The following COG7 variants were observed in gnomAD, a reference collection of about 807,000 sequenced individuals.
The protein encoded by COG7 is component of oligomeric golgi complex 7, also known as conserved oligomeric Golgi complex subunit 7.
COG7 carries 49 observed loss-of-function variants against 91.5 expected under a neutral mutation model. That is an observed-to-expected ratio of 0.54 (90% CI 0.43 to 0.68). The LOEUF (loss-of-function observed/expected upper bound fraction) is 0.68, where lower values mean the gene tolerates loss of function less well. Ranked by LOEUF, COG7 falls within the 30% of genes least tolerant of loss-of-function variation. The pLI is 0.00. For synonymous variants in COG7, 365 were observed against 388.7 expected (o/e 0.94, Z 0.72); for missense variants, 895 against 961.3 (o/e 0.93, Z 0.91).
In COG7 at chr16:23,388,927, T is replaced by C. The variant is rs373700348; in HGVS notation, c.2306A>G (p.Asn769Ser). 7 of 1,613,928 alleles carry C rather than the reference T, an allele frequency of 4.3e-6. No homozygotes were observed. The highest frequency in any genetic ancestry group is 4.5e-5 in the East Asian group (2 of 44,856). ...GTCCGGTGTGTGGTGGGGTCAGTAA[T>C]TCACACTCCGCATGGTGGCCACGGT... ...ATTVATMRSV[N>S]Y is the part of the protein sequence containing the mutation. The change falls in exon 17 of 17, where the codon AAT becomes AGT. Residue 769 changes from asparagine to serine, a missense_variant. Transcript: ENST00000307149.
intron 10 of COG7, among the ~76,000 whole-genome samples, chr16:23,412,084 T>C (rs991458306): frequency 6.6e-6 from 1 of 152,298 alleles, no homozygotes; most frequent in African/African-American, 2.4e-5. Flanking sequence ...TTTCACCATG[T>C]TGGCCAGGCT....
intron 7 of COG7, among the ~76,000 whole-genome samples, chr16:23,419,269 G>C (rs1193705108): frequency 6.6e-6 from 1 of 152,038 alleles, no homozygotes; most frequent in Non-Finnish European, 1.5e-5. Flanking sequence ...AAATTAGCTG[G>C]GCATGGTGGC....
Position 23,403,815 on chromosome 16 carries a change from T to G in COG7, c.1682A>C (p.His561Pro). The part of the protein sequence containing the change: ...YTLKEKGSSN[H>P]NLLAAPRAAL... Reference sequence around the variant, plus strand: ...TGCTCGAGGTGCAGCCAGCAGGTTGTGGTTGCTTGACCCTTTTTCCTAAGA... The same window carrying G: ...TGCTCGAGGTGCAGCCAGCAGGTTGGGGTTGCTTGACCCTTTTTCCTAAGA... Residue 561 changes from histidine (H) to proline (P), a missense_variant, in exon 13 of 17, where the codon CAC becomes CCC. Transcript: ENST00000307149. The G allele has an allele frequency of 6.2e-7, 1 of 1,614,246 alleles. No homozygotes were observed. The highest frequency in any genetic ancestry group is 8.5e-7 in the Non-Finnish European group (1 of 1,180,038).
intron 3 of COG7, among the ~76,000 whole-genome samples, chr16:23,443,921 G>C (rs556704510): frequency 1.3e-5 from 2 of 152,124 alleles, no homozygotes; most frequent in Middle Eastern, 3.4e-3. Context: ...GGAGGCCGAG[G>C]AGGGCAGATC....
intron 8 of COG7, 74 bp from the exon 9 acceptor site, chr16:23,417,195 G>T: frequency 6.7e-7 from 1 of 1,486,150 alleles, no homozygotes. Context: ...AGACCTCCAA[G>T]CCTTCTCATC....
At position 23,398,143 on chromosome 16, in the gene COG7, G is replaced by C; in HGVS notation, c.1804-14C>G. 6.2e-7 allele frequency: 1 copy of C among 1,609,658 alleles called. No individual in the cohort carries two copies. The highest frequency in any genetic ancestry group is 8.5e-7 in the Non-Finnish European group (1 of 1,176,022). Reference sequence around the variant, plus strand: ...CGTATTCCAGCTCTAAGGGTGGAACGAGAGGACACAATCAGTACCTAGCAG... The same window carrying C: ...CGTATTCCAGCTCTAAGGGTGGAACCAGAGGACACAATCAGTACCTAGCAG... On this transcript the variant is annotated splice_polypyrimidine_tract_variant and intron_variant, in intron 13 of 16. Transcript: ENST00000307149.
At chr16:23,441,561 C>T (rs1039450373) in intron 4 of COG7, among the ~76,000 whole-genome samples, 1 of 152,024 alleles carries the variant, frequency 6.6e-6, no homozygotes, top group Non-Finnish European at 1.5e-5. Context: ...GGGAACACAG[C>T]GAGACTTCGT....
intron 1 of COG7, among the ~76,000 whole-genome samples, chr16:23,448,125 C>T (rs1418592735): frequency 6.6e-6 from 1 of 152,026 alleles, no homozygotes; most frequent in Admixed American, 6.6e-5. Context: ...CCTTCCTCAT[C>T]GCAGACTTGG....
rs1448513281 is a variant in COG7 at position 23,389,095 on chromosome 16, G to A, written c.2147-9C>T. ...CACGTTGATCAGATAGTCTGTGGGG[G>A]CGGAGAGGAGACAGACAGAGCTCCA... On this transcript the variant is annotated splice_polypyrimidine_tract_variant and intron_variant, in intron 16 of 16. Transcript: ENST00000307149. 21 of 1,613,268 alleles carry A rather than the reference G, an allele frequency of 1.3e-5. No homozygotes were observed. Among genetic ancestry groups the A allele is most frequent in the Non-Finnish European group, 1.6e-5 (19 of 1,179,810 alleles).
chr16:23,401,499 T>G (rs1963376465), intron 13 of COG7, among the ~76,000 whole-genome samples: 1 of 152,148 alleles, frequency 6.6e-6, no homozygotes, highest in African/African-American at 2.4e-5. Flanking sequence ...CACTGAGGTT[T>G]CAGAACAGAA....
intron 14 of COG7, among the ~76,000 whole-genome samples, chr16:23,397,408 G>A (rs1963303260): frequency 6.6e-6 from 1 of 152,140 alleles, no homozygotes; most frequent in Admixed American, 6.6e-5. Flanking sequence ...TGACATTTAA[G>A]AGCACCTGAG....
intron 4 of COG7, among the ~76,000 whole-genome samples, chr16:23,439,062 G>A (rs1194252165): frequency 6.7e-6 from 1 of 150,116 alleles, no homozygotes; most frequent in Non-Finnish European, 1.5e-5. Context: ...GGAGGCTGAG[G>A]CACAAGAATC....
chr16:23,388,791 T>C lies in COG7; in HGVS notation c.*129A>G. The C allele has an allele frequency of 2.0e-6, 3 of 1,515,260 alleles. No homozygotes were observed. The highest frequency in any genetic ancestry group is 2.7e-6 in the Non-Finnish European group (3 of 1,131,254). 93.9% of individuals were successfully genotyped at this position (1,515,260 alleles called of 1,614,324 possible). ...CTGGGATTACAGGCGTGAGCCACCGTGACCAGCTGAACCAAGTCTTTTTAA... is the reference window on the plus strand; with the variant it reads ...CTGGGATTACAGGCGTGAGCCACCGCGACCAGCTGAACCAAGTCTTTTTAA... On this transcript the variant is annotated 3_prime_UTR_variant, in exon 17 of 17. Coordinates refer to ENST00000307149, the MANE Select transcript of COG7 (RefSeq NM_153603.4).
intron 13 of COG7, 33 bp downstream of exon 13, chr16:23,403,661 G>C: frequency 3.1e-6 from 5 of 1,613,166 alleles, no homozygotes; most frequent in Non-Finnish European, 3.4e-6. Flanking sequence ...GGCAGGACCC[G>C]GGAAAAATTG....
chr16:23,393,781 C>T (rs887417223), intron 14 of COG7, among the ~76,000 whole-genome samples: 1 of 152,130 alleles, frequency 6.6e-6, no homozygotes, highest in Non-Finnish European at 1.5e-5. Flanking sequence ...GTGGCTCACA[C>T]CTGTAATCCC....
chr16:23,410,253 A>AG, intron 11 of COG7, 42 bp downstream of exon 11: 18 of 1,563,874 alleles, frequency 1.2e-5, no homozygotes, highest in Non-Finnish European at 1.6e-5. Flanking sequence ...CGTGCTGATC[A>AG]GGAACCCCAG....
At chr16:23,421,122 A>C (rs577517250) in intron 7 of COG7, among the ~76,000 whole-genome samples, 16 of 152,012 alleles carry the variant, frequency 1.1e-4, no homozygotes, top group Admixed American at 5.9e-4. Flanking sequence ...AGATTTTTCT[A>C]TAATGATAAA....
intron 6 of COG7, among the ~76,000 whole-genome samples, chr16:23,426,454 A>C (rs1963846953): frequency 6.6e-6 from 1 of 152,338 alleles, no homozygotes; most frequent in African/African-American, 2.4e-5. Flanking sequence ...TGGGAGGCCA[A>C]AACAGGAGGA....
intron 4 of COG7, among the ~76,000 whole-genome samples, chr16:23,438,173 A>C (rs972965177): frequency 7.2e-5 from 11 of 152,178 alleles, no homozygotes; most frequent in Admixed American, 5.9e-4. Context: ...GGGAGAAAAT[A>C]TTTGCAAGAT....
Sources: allele counts gnomAD v4.1 joint callset (sites outside exome capture counted in the v4.1 genomes callset), GRCh38; gene constraint gnomAD v4.1.1; transcripts MANE v1.5; gene names NCBI Gene and HGNC (gene_info 2026-07-23, HGNC 2026-07-21).